The following SRGAP3 variants were observed in gnomAD, a reference collection of about 807,000 sequenced individuals.
SRGAP3 encodes SLIT-ROBO Rho GTPase-activating protein 3.
In SRGAP3, 39 loss-of-function variants were observed where a neutral mutation model predicts 121.1. The observed-to-expected ratio is 0.32, with a 90% confidence interval of 0.25 to 0.42. The LOEUF (loss-of-function observed/expected upper bound fraction) is 0.42, where lower values mean the gene tolerates loss of function less well. Among genes scored for constraint, SRGAP3 ranks in the 10% least tolerant of loss-of-function variants. The pLI, the probability that SRGAP3 is intolerant of heterozygous loss-of-function variation, is 1.00. For synonymous variants in SRGAP3, 601 were observed against 570.0 expected (o/e 1.05, Z -0.77); for missense variants, 1,213 against 1,470.6 (o/e 0.82, Z 2.86).
chr3:9,249,285 ACACACATGCACACGTACACACACT>A lies in SRGAP3; in HGVS notation c.-358_-335del, dbSNP rs1953933775. 1 of 455,084 alleles carries A rather than the reference ACACACATGCACACGTACACACACT, an allele frequency of 2.2e-6. No individual in the cohort carries two copies. 28.2% of individuals were successfully genotyped at this position (455,084 alleles called of 1,614,324 possible). A position where few individuals can be genotyped will look rare whatever the true frequency, so the allele number is the denominator to read the frequency against. ...AATAGTAATAACCAAGCGCACTCAC[ACACACATGCACACGTACACACACT>A]CACGCATGCACAGGCACACTCACCG... On this transcript the variant is annotated 5_prime_UTR_variant, in exon 1 of 22. It removes an upstream start codon present in the reference 5' UTR. Coordinates refer to ENST00000383836, the MANE Select transcript of SRGAP3 (RefSeq NM_014850.4).
Position 9,060,239 on chromosome 3 carries a change from G to T in SRGAP3, c.793C>A (p.Leu265Met). ...CTCCCCAGGGAGCTCACATCGATCAGATCAGAGACATCATGGATGTAGTAT... is the reference window on the plus strand; with the variant it reads ...CTCCCCAGGGAGCTCACATCGATCATATCAGAGACATCATGGATGTAGTAT... ...SKYYIHDVSDLIDCCDLGFHA... is the reference protein window; with the variant it reads ...SKYYIHDVSDMIDCCDLGFHA... The change falls in exon 6 of 22, where the codon CTG becomes ATG. Residue 265 changes from leucine to methionine, a missense_variant. Coordinates refer to ENST00000383836, the MANE Select transcript of SRGAP3 (RefSeq NM_014850.4). 6.2e-7 allele frequency: 1 copy of T among 1,614,056 alleles called. No homozygotes were observed. Among genetic ancestry groups the T allele is most frequent in the Non-Finnish European group, 8.5e-7 (1 of 1,179,950 alleles).
At chr3:9,039,168 C>T (rs896564920) in intron 10 of SRGAP3, among the ~76,000 whole-genome samples, 1 of 152,178 alleles carries the variant, frequency 6.6e-6, no homozygotes, top group Non-Finnish European at 1.5e-5. Context: ...CTCTCCGCAC[C>T]ATGCTGCTCA....
chr3:9,068,205 G>T (rs561458617), intron 4 of SRGAP3, among the ~76,000 whole-genome samples: 5 of 152,126 alleles, frequency 3.3e-5, no homozygotes, highest in Non-Finnish European at 7.3e-5. Context: ...CATCTGTGCT[G>T]GGTAGTTCAG....
At chr3:9,296,224 T>TC (rs1418363243) in intron 3 of SRGAP3, among the ~76,000 whole-genome samples, 1 of 152,236 alleles carries the variant, frequency 6.6e-6, no homozygotes, top group Non-Finnish European at 1.5e-5. Context: ...CATACTGTTT[T>TC]CCATAATGGC....
intron 14 of SRGAP3, among the ~76,000 whole-genome samples, chr3:9,021,102 C>A (rs1315712776): frequency 6.6e-5 from 10 of 152,352 alleles, no homozygotes; most frequent in East Asian, 3.9e-4. Context: ...GACATGACAA[C>A]CCCGCCCAGC....
chr3:9,209,996 C>T (rs1574873697), intron 1 of SRGAP3, among the ~76,000 whole-genome samples: 1 of 151,760 alleles, frequency 6.6e-6, no homozygotes, highest in African/African-American at 2.4e-5. Flanking sequence ...TATGTTACCA[C>T]ATAGATGAAC....
At chr3:9,305,334 C>T (rs1483952743) in intron 3 of SRGAP3, among the ~76,000 whole-genome samples, 1 of 146,378 alleles carries the variant, frequency 6.8e-6, no homozygotes, top group Admixed American at 6.8e-5. Flanking sequence ...GGGGCTGAAG[C>T]TACCCACAGC....
At chr3:9,078,676 C>T (rs929800724) in intron 4 of SRGAP3, among the ~76,000 whole-genome samples, 2 of 152,140 alleles carry the variant, frequency 1.3e-5, no homozygotes, top group Admixed American at 6.5e-5. Flanking sequence ...GATTTGAACC[C>T]AGATCTCTGG....
chr3:9,146,885 C>T (rs1950044656), intron 1 of SRGAP3, among the ~76,000 whole-genome samples: 1 of 152,156 alleles, frequency 6.6e-6, no homozygotes. Context: ...CGTGAGATGC[C>T]TCTGGAGACC....
At chr3:9,125,829 C>T (rs1313440220) in intron 1 of SRGAP3, among the ~76,000 whole-genome samples, 3 of 152,188 alleles carry the variant, frequency 2.0e-5, no homozygotes, top group East Asian at 3.9e-4. Context: ...CTCAGAAATA[C>T]CCCACGGCTC....
chr3:9,321,262 G>T (rs978522329), intron 3 of SRGAP3, among the ~76,000 whole-genome samples: 1 of 151,868 alleles, frequency 6.6e-6, no homozygotes, highest in Non-Finnish European at 1.5e-5. Context: ...CAGTGAACAT[G>T]ACCCCAGGCA....
intron 1 of SRGAP3, among the ~76,000 whole-genome samples, chr3:9,210,329 T>TA (rs1248296775): frequency 6.6e-6 from 1 of 152,178 alleles, no homozygotes; most frequent in African/African-American, 2.4e-5. Context: ...GAACAACTTT[T>TA]AAAAATAGAA....
chr3:9,155,699 A>G (rs578075973), intron 1 of SRGAP3, among the ~76,000 whole-genome samples: 1 of 152,348 alleles, frequency 6.6e-6, no homozygotes, highest in East Asian at 1.9e-4. Flanking sequence ...TTAGTAATAA[A>G]TCTAAAACTA....
At position 9,271,350 on chromosome 3, in the gene SRGAP3, A is replaced by G. The variant is rs144361683; in HGVS notation, n.442+54660T>C. 3.1e-3 allele frequency among the ~76,000 whole-genome samples: 466 copies of G among 152,306 alleles called. 2 individuals are homozygous for G. The highest frequency in any genetic ancestry group is 0.011 in the African/African-American group (437 of 41,560). ...CCCTGTCTCAAAAAAATAAATAAAT[A>G]AAGTGTTGGCTATTGAGGTCTCATG... On this transcript the variant is annotated intron_variant and non_coding_transcript_variant, in intron 3 of 3. Transcript: ENST00000490889.
At chr3:9,035,020 G>A (rs1353719568) in intron 11 of SRGAP3, 1 of 152,120 alleles carries the variant, frequency 6.6e-6, no homozygotes, top group Non-Finnish European at 1.5e-5. Context: ...TACAAGGCCA[G>A]TGAGCCCACA....
At chr3:9,234,402 C>A (rs557830759) in intron 1 of SRGAP3, among the ~76,000 whole-genome samples, 1 of 152,114 alleles carries the variant, frequency 6.6e-6, no homozygotes, top group East Asian at 1.9e-4. Flanking sequence ...TGTCGCTTGG[C>A]CAGTTCACAT....
intron 4 of SRGAP3, among the ~76,000 whole-genome samples, chr3:9,068,376 T>C (rs1181254270): frequency 6.6e-6 from 1 of 152,216 alleles, no homozygotes; most frequent in Non-Finnish European, 1.5e-5. Flanking sequence ...CATCATTTTC[T>C]ACTCTTCTTG....
intron 21 of SRGAP3, 146 bp downstream of exon 21, chr3:8,990,366 G>A: frequency 9.5e-7 from 1 of 1,057,390 alleles, no homozygotes; most frequent in South Asian, 1.5e-5. Flanking sequence ...AGCCCAGCAA[G>A]GGACGGGGAG....
At chr3:9,304,432 C>T (rs1425790741) in intron 3 of SRGAP3, among the ~76,000 whole-genome samples, 1 of 152,120 alleles carries the variant, frequency 6.6e-6, no homozygotes, top group East Asian at 1.9e-4. Context: ...AAAATGGTAT[C>T]GGGGAGGGGA....
Sources: allele counts gnomAD v4.1 joint callset (sites outside exome capture counted in the v4.1 genomes callset), GRCh38; gene constraint gnomAD v4.1.1; transcripts MANE v1.5; gene names NCBI Gene and HGNC (gene_info 2026-07-23, HGNC 2026-07-21).